The following VRK2 variants were observed in gnomAD, a reference collection of about 807,000 sequenced individuals.
VRK2 encodes the protein serine/threonine-protein kinase VRK2.
Under a neutral mutation model 57.6 loss-of-function variants are expected in VRK2, and 60 were observed. The observed-to-expected ratio is 1.04, with a 90% CI of 0.85 to 1.29. The LOEUF (loss-of-function observed/expected upper bound fraction) is 1.29. VRK2 is among the 50% of genes most tolerant of loss of function. The pLI is 0.00. For synonymous variants in VRK2, 231 were observed against 199.2 expected, an observed-to-expected ratio of 1.16 and a Z score of -1.35; for missense variants, 705 against 588.1, an observed-to-expected ratio of 1.20 and a Z score of -2.06.
rs1343230763 is a variant in VRK2 at position 58,070,455 on chromosome 2, A to G, written c.137-13634A>G. Among the ~76,000 whole-genome samples the G allele has an allele frequency of 3.9e-5, 6 of 152,122 alleles. No homozygotes were observed. In the East Asian group the frequency reaches 9.6e-4, roughly 24 times the overall value. ...CACTGCCTTGAAATTGCCTTGTGCT[A>G]CACCTGTTTATTCGTCTTCCTCCCT... On this transcript the variant is annotated intron_variant, in intron 2 of 12. Coordinates refer to ENST00000340157, the MANE Select transcript of VRK2 (RefSeq NM_006296.7).
intron 3 of VRK2, among the ~76,000 whole-genome samples, chr2:58,034,395 T>C (rs142261880): frequency 2.4e-3 from 363 of 152,150 alleles, no homozygotes; most frequent in Non-Finnish European, 4.1e-3. Context: ...TTTCAGGTCT[T>C]ATTTCAAGGG....
chr2:58,142,318 G>T (rs1681468577), intron 11 of VRK2, among the ~76,000 whole-genome samples: 1 of 147,990 alleles, frequency 6.8e-6, no homozygotes. Flanking sequence ...TTTTGCAAAA[G>T]AAAAAGTTTT....
intron 1 of VRK2, among the ~76,000 whole-genome samples, chr2:57,985,730 A>T (rs1383164334): frequency 6.6e-6 from 1 of 152,118 alleles, no homozygotes; most frequent in African/African-American, 2.4e-5. Flanking sequence ...AACAAAAAGA[A>T]ATAAAAGGCA....
chr2:58,067,974 G>T (rs1420509221), intron 2 of VRK2, among the ~76,000 whole-genome samples: 1 of 150,492 alleles, frequency 6.6e-6, no homozygotes, highest in Non-Finnish European at 1.5e-5. Flanking sequence ...TTGTCACCCA[G>T]CCTGGAGTGC....
intron 1 of VRK2, among the ~76,000 whole-genome samples, chr2:57,949,257 G>A (rs919989671): frequency 7.2e-5 from 11 of 152,082 alleles, no homozygotes; most frequent in African/African-American, 2.7e-4. Flanking sequence ...CTGTTTTATT[G>A]CACTTCATTT....
At chr2:57,988,893 AC>A (rs1438235103) in intron 1 of VRK2, among the ~76,000 whole-genome samples, 2 of 152,070 alleles carry the variant, frequency 1.3e-5, no homozygotes, top group Non-Finnish European at 2.9e-5. Flanking sequence ...TCTCTGGAGA[AC>A]CCTGATTAAT....
intron 1 of VRK2, among the ~76,000 whole-genome samples, chr2:58,018,500 T>C (rs1673653880): frequency 6.6e-6 from 1 of 152,344 alleles, no homozygotes; most frequent in Non-Finnish European, 1.5e-5. Flanking sequence ...TCCTCAAATT[T>C]ATATTTCAAA....
intron 11 of VRK2, among the ~76,000 whole-genome samples, chr2:58,144,776 G>A (rs1681864001): frequency 6.6e-6 from 1 of 151,996 alleles, no homozygotes; most frequent in Non-Finnish European, 1.5e-5. Context: ...ATTCCTGCAT[G>A]ATTAAGAAAC....
chr2:58,008,854 C>G (rs1422293074), intron 1 of VRK2, among the ~76,000 whole-genome samples: 3 of 152,024 alleles, frequency 2.0e-5, no homozygotes, highest in Non-Finnish European at 4.4e-5. Flanking sequence ...TCTCACTGTT[C>G]TAGAGGCTGA....
intron 1 of VRK2, among the ~76,000 whole-genome samples, chr2:57,939,598 A>G (rs1671027540): frequency 6.6e-6 from 1 of 152,244 alleles, no homozygotes; most frequent in South Asian, 2.1e-4. Context: ...ATATAGTGCT[A>G]TAAAAATTAT....
intron 1 of VRK2, among the ~76,000 whole-genome samples, chr2:57,978,883 A>G (rs1672330061): frequency 1.3e-5 from 2 of 150,570 alleles, no homozygotes; most frequent in African/African-American, 5.0e-5. Flanking sequence ...ACTCCCAATT[A>G]TGAGTTAGAA....
intron 1 of VRK2, among the ~76,000 whole-genome samples, chr2:57,914,676 T>C (rs1465389384): frequency 1.3e-5 from 2 of 152,136 alleles, no homozygotes; most frequent in Non-Finnish European, 2.9e-5. Context: ...CAACAACAGA[T>C]GTATATACAT....
chr2:57,953,604 A>G (rs1474299790), intron 1 of VRK2, among the ~76,000 whole-genome samples: 1 of 152,198 alleles, frequency 6.6e-6, no homozygotes, highest in East Asian at 1.9e-4. Flanking sequence ...CATCTTTTAC[A>G]TACAGTCATT....
At chr2:58,136,337 A>G (rs561306087) in intron 10 of VRK2, among the ~76,000 whole-genome samples, 2 of 152,064 alleles carry the variant, frequency 1.3e-5, no homozygotes, top group African/African-American at 2.4e-5. Flanking sequence ...ATAATTGTCA[A>G]TAACTTGGTC....
intron 12 of VRK2, among the ~76,000 whole-genome samples, chr2:58,153,966 CTT>C (rs1021057420): frequency 1.3e-5 from 2 of 152,066 alleles, no homozygotes; most frequent in Non-Finnish European, 2.9e-5. Flanking sequence ...CATATGGACT[CTT>C]GTCACAACTA....
intron 12 of VRK2, among the ~76,000 whole-genome samples, chr2:58,147,481 A>T (rs1364484310): frequency 6.6e-6 from 1 of 151,922 alleles, no homozygotes; most frequent in Non-Finnish European, 1.5e-5. Context: ...AGATTCTAAA[A>T]ATCTCTAGTT....
At chr2:58,106,225 T>G (rs1261914301) in intron 7 of VRK2, among the ~76,000 whole-genome samples, 1 of 151,964 alleles carries the variant, frequency 6.6e-6, no homozygotes, top group East Asian at 1.9e-4. Flanking sequence ...GGAAATAGAC[T>G]GTAATTGGAA....
At chr2:58,074,872 C>T (rs182521920) in intron 2 of VRK2, among the ~76,000 whole-genome samples, 229 of 152,068 alleles carry the variant, frequency 1.5e-3, no homozygotes, top group African/African-American at 5.1e-3. Context: ...ACGACTAAAT[C>T]TGCTTTTTAT....
intron 1 of VRK2, among the ~76,000 whole-genome samples, chr2:57,990,271 G>C (rs901191812): frequency 6.6e-6 from 1 of 152,146 alleles, no homozygotes; most frequent in African/African-American, 2.4e-5. Flanking sequence ...GGCTTATCTT[G>C]ATTTCTTCGT....
Sources: allele counts gnomAD v4.1 joint callset (sites outside exome capture counted in the v4.1 genomes callset), GRCh38; gene constraint gnomAD v4.1.1; transcripts MANE v1.5; gene names NCBI Gene and HGNC (gene_info 2026-07-23, HGNC 2026-07-21).